NCAM2: variants seen among roughly 807,000 people sequenced by gnomAD.
NCAM2 encodes N-CAM-2.
A neutral mutation model predicts 98.1 loss-of-function variants in NCAM2; 30 were observed. The ratio of observed to expected loss-of-function variants is 0.31; its 90% confidence interval spans 0.23 to 0.41. NCAM2 has a LOEUF of 0.41. Among genes scored for constraint, NCAM2 ranks in the 10% least tolerant of loss-of-function variants. The pLI is 1.00. For missense variants in NCAM2, 867 were observed against 1,005.8 expected, an observed-to-expected ratio of 0.86 and a Z score of 1.87; for synonymous variants, 368 against 342.4, an observed-to-expected ratio of 1.07 and a Z score of -0.83.
At chr21:21,129,216 T>C (rs2066886867) in intron 1 of NCAM2, among the ~76,000 whole-genome samples, 1 of 152,162 alleles carries the variant, frequency 6.6e-6, no homozygotes, top group African/African-American at 2.4e-5. Flanking sequence ...CTGTACAGAC[T>C]TACCTTTATC....
At chr21:21,239,459 A>G (rs1008851826) in intron 1 of NCAM2, 1 of 152,164 alleles carries the variant, frequency 6.6e-6, no homozygotes, top group Non-Finnish European at 1.5e-5. Context: ...ATCTCCCTTT[A>G]AAGATATTAC....
chr21:21,437,844 A>G (rs6518103), intron 12 of NCAM2, among the ~76,000 whole-genome samples: 3,993 of 152,154 alleles, frequency 0.026, 179 homozygotes, highest in African/African-American at 0.092. Flanking sequence ...TGTACTTAGA[A>G]GGCTTGTTTT....
intron 12 of NCAM2, among the ~76,000 whole-genome samples, chr21:21,445,565 T>G (rs2146101011): frequency 6.6e-6 from 1 of 152,318 alleles, no homozygotes; most frequent in Middle Eastern, 3.4e-3. Flanking sequence ...TCTCGTTGAC[T>G]TGATCCCTTT....
chr21:21,170,811 A>G (rs900746945), intron 1 of NCAM2, among the ~76,000 whole-genome samples: 3 of 148,930 alleles, frequency 2.0e-5, no homozygotes, highest in African/African-American at 7.3e-5. Context: ...CAAATGCATC[A>G]CTGTGGCATA....
chr21:21,046,193 C>A (rs6417718), intron 1 of NCAM2, among the ~76,000 whole-genome samples: 151,044 of 152,326 alleles, frequency 0.99, 74,900 homozygotes, highest in Middle Eastern at 1. Flanking sequence ...ATACAAGTTT[C>A]TTCATCTGTA....
chr21:21,306,310 A>G (rs563376383), intron 5 of NCAM2, among the ~76,000 whole-genome samples: 8 of 152,216 alleles, frequency 5.3e-5, no homozygotes, highest in East Asian at 1.9e-4. Flanking sequence ...GAATTTGTCT[A>G]TTTCTTTTCA....
chr21:21,117,044 G>C (rs538355425), intron 1 of NCAM2, among the ~76,000 whole-genome samples: 1 of 152,232 alleles, frequency 6.6e-6, no homozygotes, highest in East Asian at 1.9e-4. Flanking sequence ...TGTATATTCA[G>C]TGTACAATAT....
At position 21,205,278 on chromosome 21, in the gene NCAM2, A is replaced by G. The variant is rs79325621; in HGVS notation, c.56-75300A>G. ...ACAATTTTCTCATAAAACTGTATTT[A>G]GTTTTTGCATTGTTTGTCAACATGT... is the stretch of plus-strand genomic sequence containing the variant. On this transcript the variant is annotated intron_variant, in intron 1 of 17. Transcript: ENST00000400546. 8.3e-3 allele frequency among the ~76,000 whole-genome samples: 1,268 copies of G among 152,286 alleles called. 14 individuals are homozygous for G. The highest frequency in any genetic ancestry group is 0.029 in the African/African-American group (1,213 of 41,572).
At chr21:21,449,195 C>A (rs1225691453) in intron 12 of NCAM2, among the ~76,000 whole-genome samples, 2 of 151,726 alleles carry the variant, frequency 1.3e-5, no homozygotes, top group African/African-American at 4.8e-5. Flanking sequence ...AATTAATGAG[C>A]TTTTCTGTGC....
At chr21:21,159,629 A>G (rs1303963467) in intron 1 of NCAM2, among the ~76,000 whole-genome samples, 3 of 152,124 alleles carry the variant, frequency 2.0e-5, no homozygotes, top group Non-Finnish European at 4.4e-5. Flanking sequence ...CATATAGGCT[A>G]GGTGTGTAGT....
At chr21:21,292,973 G>A (rs556412680) in intron 5 of NCAM2, among the ~76,000 whole-genome samples, 6 of 151,968 alleles carry the variant, frequency 3.9e-5, no homozygotes, top group African/African-American at 7.2e-5. Context: ...GCAAGAGTGC[G>A]TGAGAAAGAG....
At chr21:21,509,352 C>G (rs1988213013) in intron 16 of NCAM2, among the ~76,000 whole-genome samples, 1 of 152,014 alleles carries the variant, frequency 6.6e-6, no homozygotes, top group African/African-American at 2.4e-5. Context: ...GATAGTTGTG[C>G]AAATGTATTC....
At chr21:21,281,589 A>T (rs1192914017) in intron 2 of NCAM2, among the ~76,000 whole-genome samples, 2 of 152,098 alleles carry the variant, frequency 1.3e-5, no homozygotes, top group Non-Finnish European at 2.9e-5. Context: ...AATCAAACAT[A>T]TTATAGAACT....
intron 1 of NCAM2, among the ~76,000 whole-genome samples, chr21:21,058,669 A>ATTTTTTTTTTTTT (rs59289753): frequency 4.1e-5 from 6 of 144,852 alleles, no homozygotes; most frequent in Non-Finnish European, 6.1e-5. Flanking sequence ...TTCACACAGG[A>ATTTTTTTTTTTTT]TTTTTTTTTT....
chr21:21,290,514 C>T (rs1402893300), intron 4 of NCAM2, among the ~76,000 whole-genome samples: 1 of 151,776 alleles, frequency 6.6e-6, no homozygotes, highest in Non-Finnish European at 1.5e-5. Flanking sequence ...CATGTTTGTG[C>T]TTTAATTTAC....
chr21:21,297,860 T>G (rs1273998950), intron 5 of NCAM2, among the ~76,000 whole-genome samples: 2 of 151,848 alleles, frequency 1.3e-5, no homozygotes, highest in East Asian at 3.9e-4. Context: ...TATGAATATT[T>G]TGTAAATTTG....
chr21:21,120,577 C>T (rs759258459), intron 1 of NCAM2, among the ~76,000 whole-genome samples: 9 of 151,914 alleles, frequency 5.9e-5, no homozygotes, highest in Non-Finnish European at 7.4e-5. Context: ...TTCGGCAGAG[C>T]CCCTGAAATG....
At chr21:21,321,607 A>G (rs560556940) in intron 5 of NCAM2, among the ~76,000 whole-genome samples, 1 of 152,262 alleles carries the variant, frequency 6.6e-6, no homozygotes, top group Admixed American at 6.5e-5. Flanking sequence ...GATGAAAGAT[A>G]GTGGTCCAGT....
At chr21:21,278,761 A>C (rs1369870424) in intron 1 of NCAM2, among the ~76,000 whole-genome samples, 1 of 152,200 alleles carries the variant, frequency 6.6e-6, no homozygotes, top group African/African-American at 2.4e-5. Context: ...CATATTTTAA[A>C]GAGCTTAAAC....
Sources: allele counts gnomAD v4.1 joint callset (sites outside exome capture counted in the v4.1 genomes callset), GRCh38; gene constraint gnomAD v4.1.1; transcripts MANE v1.5; gene names NCBI Gene and HGNC (gene_info 2026-07-23, HGNC 2026-07-21).